EFEMP1: variants seen among roughly 807,000 people sequenced by gnomAD.
EFEMP1 encodes the protein EGF-like fibulin extracellular matrix protein 1.
In EFEMP1, 18 loss-of-function variants were observed where a neutral mutation model predicts 65.7. The ratio of observed to expected loss-of-function variants is 0.27; its 90% CI spans 0.19 to 0.41. The LOEUF (loss-of-function observed/expected upper bound fraction) is 0.41. Among genes scored for constraint, EFEMP1 ranks in the 10% least tolerant of loss-of-function variants. EFEMP1 has a pLI of 1.00. For missense variants in EFEMP1, 469 were observed against 624.8 expected (o/e 0.75, Z 2.66); for synonymous variants, 237 against 219.7 (o/e 1.08, Z -0.70).
rs1024934828 is a variant in EFEMP1 at position 55,914,312 on chromosome 2, T to C, written c.517+3353A>G. Among the ~76,000 whole-genome samples, 7 of 152,208 alleles carry C rather than the reference T, an allele frequency of 4.6e-5. No individual in the cohort carries two copies. In the East Asian group the frequency reaches 1.3e-3, roughly 29 times the overall value. ...GATCCTCATTTAGCAAAAAATTACC[T>C]GAAAAAAACCTGCTCACTGTGACCT... On this transcript the variant is annotated intron_variant, in intron 5 of 11. Transcript: ENST00000355426.
At chr2:55,894,790 G>A (rs1669752720) in intron 5 of EFEMP1, among the ~76,000 whole-genome samples, 1 of 152,148 alleles carries the variant, frequency 6.6e-6, no homozygotes, top group African/African-American at 2.4e-5. Context: ...TCTTGTAAGA[G>A]AGAGTATTAA....
In EFEMP1 at chr2:55,883,262, A is replaced by G. The variant is rs1248095787; in HGVS notation, c.518-1528T>C. On this transcript the variant is annotated intron_variant, in intron 5 of 11. Transcript: ENST00000355426. The surrounding 1 kb of genome is among the most constrained non-coding windows in gnomAD (Gnocchi z 4.5). ...TTTTGTTATTTTGTTTTGTTTTGAA[A>G]TTTATTATAATTACTACTAGTATTA... Among the ~76,000 whole-genome samples, 1 of 152,142 alleles carries G rather than the reference A, an allele frequency of 6.6e-6. No homozygotes were observed. Among genetic ancestry groups the G allele is most frequent in the African/African-American group, 2.4e-5 (1 of 41,430 alleles).
chr2:55,889,539 T>C (rs946208096), intron 5 of EFEMP1, among the ~76,000 whole-genome samples: 1 of 152,178 alleles, frequency 6.6e-6, no homozygotes, highest in Admixed American at 6.5e-5. Flanking sequence ...CTCTTTTTGA[T>C]TCAAAATTCC....
At chr2:55,868,018 C>G (rs765657049) in intron 11 of EFEMP1, among the ~76,000 whole-genome samples, 1 of 152,054 alleles carries the variant, frequency 6.6e-6, no homozygotes, top group Non-Finnish European at 1.5e-5. Context: ...GGAGAGAATG[C>G]TTTGGTTAGG....
At chr2:55,890,778 G>C (rs529862361) in intron 5 of EFEMP1, among the ~76,000 whole-genome samples, 1 of 152,078 alleles carries the variant, frequency 6.6e-6, no homozygotes, top group Non-Finnish European at 1.5e-5. Context: ...CAAAATTTAT[G>C]GAAAAAAATG....
At position 55,918,002 on chromosome 2, in the gene EFEMP1, C is replaced by A. The variant is rs752397344; in HGVS notation, c.180G>T (p.Lys60Asn). The A allele has an allele frequency of 3.1e-6, 5 of 1,614,240 alleles. No homozygotes were observed. Among genetic ancestry groups the A allele is most frequent in the Non-Finnish European group, 4.2e-6 (5 of 1,180,038 alleles). Residue 60 changes from lysine to asparagine, a missense_variant, in exon 5 of 12, where the codon AAG (lysine) becomes AAT (asparagine). Around this residue, in one of 3 missense-constraint regions of EFEMP1, gnomAD observed 66 missense variants for 73.0 expected, o/e 0.90. Coordinates refer to ENST00000355426, the MANE Select transcript of EFEMP1 (RefSeq NM_001039348.3). ...GGTATCCTCCATAGTGGTTGACACA[C>A]TTCATTCCACCTTTACAAGCGTCTG... Reference protein sequence around the residue: ...IVPDACKGGMKCVNHYGGYLC... With the variant: ...IVPDACKGGMNCVNHYGGYLC...
In EFEMP1 at chr2:55,873,912, C is replaced by T. The variant is rs1294550641; in HGVS notation, c.1000+1034G>A. 1.3e-5 allele frequency among the ~76,000 whole-genome samples: 2 copies of T among 151,734 alleles called. No individual in the cohort carries two copies. The highest frequency in any genetic ancestry group is 6.6e-5 in the Admixed American group (1 of 15,136). ...TTTATTGTCCTTGTGTGCCTTCACT[C>T]CAACTCTGATTAAAAAGGACTCTCT... On this transcript the variant is annotated intron_variant, in intron 9 of 11. Transcript: ENST00000355426. This position sits in a 1 kb window ranked among gnomAD's most constrained non-coding sequence, Gnocchi z 4.6.
At chr2:55,881,238 C>T (rs947011886) in intron 6 of EFEMP1, among the ~76,000 whole-genome samples, 8 of 152,186 alleles carry the variant, frequency 5.3e-5, no homozygotes, top group African/African-American at 1.9e-4. Flanking sequence ...CCACCATTTG[C>T]TCTATGTGCT....
In EFEMP1 at chr2:55,870,234, A is replaced by G. The variant is rs999138384; in HGVS notation, c.1320+486T>C. On this transcript the variant is annotated intron_variant, in intron 11 of 11. Transcript: ENST00000355426. This position sits in a 1 kb window ranked among gnomAD's most constrained non-coding sequence, Gnocchi z 5.8. ...CACAAACTGTCTTGTGAATGTAACA[A>G]TGATGAATTCATGATGTCTGAAAAA... Among the ~76,000 whole-genome samples the G allele has an allele frequency of 1.3e-5, 2 of 152,200 alleles. No homozygotes were observed. The highest frequency in any genetic ancestry group is 3.9e-4 in the East Asian group (2 of 5,174).
Position 55,921,795 on chromosome 2 carries a change from C to T in EFEMP1, c.81+565G>A, listed in dbSNP as rs147173844. On this transcript the variant is annotated intron_variant, in intron 3 of 11. Coordinates refer to ENST00000355426, the MANE Select transcript of EFEMP1 (RefSeq NM_001039348.3). This position sits in a 1 kb window ranked among gnomAD's most constrained non-coding sequence, Gnocchi z 4.1. ...ACATTACGTTTTAAAACCACTTTAG[C>T]CAATATGCATCCTGGTAACACATAA... 4.7e-3 allele frequency among the ~76,000 whole-genome samples: 717 copies of T among 152,278 alleles called. 3 individuals are homozygous for T. Among genetic ancestry groups the T allele is most frequent in the Middle Eastern group, 0.01 (3 of 294 alleles).
At position 55,886,642 on chromosome 2, in the gene EFEMP1, C is replaced by T. The variant is rs1052446262; in HGVS notation, c.518-4908G>A. Among the ~76,000 whole-genome samples, 4 of 152,148 alleles carry T rather than the reference C, an allele frequency of 2.6e-5. No homozygotes were observed. The highest frequency in any genetic ancestry group is 3.9e-4 in the East Asian group (2 of 5,194). On this transcript the variant is annotated intron_variant, in intron 5 of 11. Transcript: ENST00000355426. This position sits in a 1 kb window ranked among gnomAD's most constrained non-coding sequence, Gnocchi z 4.0. ...CCCAACATTCTTAATGATTTAGATA[C>T]CCACCTGCTCAAAATGATTGCTCCC...
chr2:55,911,000 G>A (rs1006073413), intron 5 of EFEMP1, among the ~76,000 whole-genome samples: 8 of 152,118 alleles, frequency 5.3e-5, no homozygotes, highest in Non-Finnish European at 1.2e-4. Flanking sequence ...CCCTATAGAA[G>A]ATATAGGTAT....
Position 55,870,588 on chromosome 2 carries a change from A to G in EFEMP1, c.1320+132T>C, listed in dbSNP as rs1572780020. ...TAATGTAGCTGGAAGGCCTTACACAATGCCTACACATAAGACACTTTAAAT... is the reference window on the plus strand; with the variant it reads ...TAATGTAGCTGGAAGGCCTTACACAGTGCCTACACATAAGACACTTTAAAT... On this transcript the variant is annotated intron_variant, in intron 11 of 11. Coordinates refer to ENST00000355426, the MANE Select transcript of EFEMP1 (RefSeq NM_001039348.3). The surrounding 1 kb of genome is among the most constrained non-coding windows in gnomAD (Gnocchi z 5.8). The G allele has an allele frequency of 1.9e-6, 2 of 1,065,924 alleles. No homozygotes were observed. Among genetic ancestry groups the G allele is most frequent in the Admixed American group, 1.9e-5 (1 of 53,552 alleles). The allele number at this position is 1,065,924 out of a possible 1,614,324, so 66.0% of individuals were successfully genotyped here.
rs1425591752 is a variant in EFEMP1, at chr2:55,867,265, G to T, written c.1321-31C>A. On this transcript the variant is annotated intron_variant, in intron 11 of 11. Coordinates refer to ENST00000355426, the MANE Select transcript of EFEMP1 (RefSeq NM_001039348.3). The surrounding 1 kb of genome is among the most constrained non-coding windows in gnomAD (Gnocchi z 4.3). ...ATAAAAGAAAATAGAGAAAGGAAGA[G>T]AATAATTTTCTTGGATTGGAGTTTC... The T allele has an allele frequency of 6.2e-7, 1 of 1,608,560 alleles. No homozygotes were observed. The highest frequency in any genetic ancestry group is 1.7e-5 in the Admixed American group (1 of 59,596).
intron 5 of EFEMP1, among the ~76,000 whole-genome samples, chr2:55,895,306 GT>G (rs1433485380): frequency 1.3e-5 from 2 of 152,188 alleles, no homozygotes; most frequent in Admixed American, 6.5e-5. Flanking sequence ...ACATAAAATT[GT>G]CTTTTCCTTG....
intron 5 of EFEMP1, among the ~76,000 whole-genome samples, chr2:55,911,059 C>T (rs1309641008): frequency 6.6e-6 from 1 of 152,174 alleles, no homozygotes; most frequent in Admixed American, 6.5e-5. Flanking sequence ...TAGAGTCTCA[C>T]CTACTGACAA....
chr2:55,918,674 A>G (rs1185765945), intron 3 of EFEMP1, among the ~76,000 whole-genome samples: 1 of 107,790 alleles, frequency 9.3e-6, no homozygotes, highest in Non-Finnish European at 1.9e-5. Context: ...CCCACCCCCA[A>G]CCAGCCCTGG....
chr2:55,902,182 A>G (rs1432624233), intron 5 of EFEMP1, among the ~76,000 whole-genome samples: 1 of 152,266 alleles, frequency 6.6e-6, no homozygotes, highest in Non-Finnish European at 1.5e-5. Context: ...TTTGTTATGC[A>G]GTAACAGATT....
chr2:55,878,090 G>T (rs1402083307), intron 6 of EFEMP1, among the ~76,000 whole-genome samples: 1 of 152,160 alleles, frequency 6.6e-6, no homozygotes, highest in Non-Finnish European at 1.5e-5. Flanking sequence ...AATAAACTTG[G>T]TGGGTGGATT....
Sources: allele counts gnomAD v4.1 joint callset (sites outside exome capture counted in the v4.1 genomes callset), GRCh38; gene constraint gnomAD v4.1.1; regional missense constraint gnomAD v4.1.1; non-coding constraint Gnocchi (gnomAD v3.1); transcripts MANE v1.5; gene names NCBI Gene and HGNC (gene_info 2026-07-23, HGNC 2026-07-21).